Variants in DRG1 observed in about 807,000 individuals in gnomAD.
DRG1 encodes developmentally-regulated GTP-binding protein 1.
Under a neutral mutation model 38.8 loss-of-function variants are expected in DRG1, and 19 were observed. That is an observed-to-expected ratio of 0.49 (90% CI 0.34 to 0.72). DRG1 has a LOEUF of 0.72. Among genes scored for constraint, DRG1 ranks in the 30% least tolerant of loss-of-function variants. The pLI is 0.01. For synonymous variants in DRG1, 167 were observed against 157.5 expected (o/e 1.06, Z -0.45); for missense variants, 299 against 444.8 (o/e 0.67, Z 2.95).
At chr22:31,421,891 C>T (rs13053841) in intron 5 of DRG1, among the ~76,000 whole-genome samples, 8,717 of 151,884 alleles carry the variant, frequency 0.057, 635 homozygotes, top group East Asian at 0.39. Flanking sequence ...CCGAGGTGGG[C>T]GGATCACAAG....
intron 3 of DRG1, among the ~76,000 whole-genome samples, chr22:31,410,356 G>C (rs925781315): frequency 2.6e-5 from 4 of 151,956 alleles, no homozygotes; most frequent in Non-Finnish European, 5.9e-5. Flanking sequence ...TCGGGAATTT[G>C]AGGCAGAAGA....
chr22:31,428,234 C>T (rs576817549), intron 8 of DRG1, among the ~76,000 whole-genome samples: 20 of 149,858 alleles, frequency 1.3e-4, no homozygotes, highest in African/African-American at 2.5e-4. Flanking sequence ...TTTTTTGAGA[C>T]GGAGTCTCGC....
chr22:31,406,843 T>G (rs946565172), intron 3 of DRG1, among the ~76,000 whole-genome samples: 2 of 152,166 alleles, frequency 1.3e-5, no homozygotes, highest in African/African-American at 4.8e-5. Context: ...TTTTTACCTG[T>G]TTTTTCCACC....
At chr22:31,431,883 C>CT (rs1679516086) in intron 8 of DRG1, among the ~76,000 whole-genome samples, 1 of 152,036 alleles carries the variant, frequency 6.6e-6, no homozygotes, top group African/African-American at 2.4e-5. Context: ...CTTTTTCAAA[C>CT]TTTGTAGATT....
intron 2 of DRG1, among the ~76,000 whole-genome samples, chr22:31,402,293 GA>G (rs899361184): frequency 3.1e-4 from 47 of 150,652 alleles, no homozygotes; most frequent in African/African-American, 1.0e-3. Flanking sequence ...ATTGTAAAAA[GA>G]AAAAAGAAAA....
At chr22:31,401,351 G>A (rs1248465875) in intron 2 of DRG1, among the ~76,000 whole-genome samples, 2 of 151,730 alleles carry the variant, frequency 1.3e-5, no homozygotes, top group Admixed American at 1.3e-4. Flanking sequence ...GGGAGGCCAA[G>A]GCGTGGATCA....
intron 6 of DRG1, among the ~76,000 whole-genome samples, chr22:31,424,568 G>A (rs1464946547): frequency 7.5e-6 from 1 of 133,936 alleles, no homozygotes; most frequent in East Asian, 2.5e-4. Flanking sequence ...GCGCGATCTT[G>A]GCTCACTGCA....
chr22:31,412,432 G>C (rs1467948330), intron 4 of DRG1, among the ~76,000 whole-genome samples: 1 of 143,464 alleles, frequency 7.0e-6, no homozygotes, highest in Non-Finnish European at 1.5e-5. Flanking sequence ...CACACTGCAA[G>C]CTCCGCCTCC....
In DRG1 at chr22:31,415,901, A is replaced by G. The variant is rs140582790; in HGVS notation, c.413-4355A>G. Among the ~76,000 whole-genome samples, 129 of 151,806 alleles carry G rather than the reference A, an allele frequency of 8.5e-4. 1 individual carries two copies. Among genetic ancestry groups the G allele is most frequent in the Non-Finnish European group, 1.3e-4 (9 of 67,976 alleles). ...GATTCGTAGTGACTGCAAACTCTTC[A>G]CCTATATTGTCACTTCCTTCATTAT... On this transcript the variant is annotated intron_variant, in intron 4 of 8. Coordinates refer to ENST00000331457, the MANE Select transcript of DRG1 (RefSeq NM_004147.4).
chr22:31,420,226 T>A (rs375337814), intron 4 of DRG1, 30 bp from the exon 5 acceptor site: 3 of 1,605,842 alleles, frequency 1.9e-6, no homozygotes, highest in Non-Finnish European at 2.6e-6. Context: ...TATTGAACTT[T>A]CTTGCGTATG....
chr22:31,421,138 G>A (rs1289166911), intron 5 of DRG1, among the ~76,000 whole-genome samples: 4 of 151,718 alleles, frequency 2.6e-5, no homozygotes, highest in African/African-American at 7.3e-5. Context: ...CAGGCTGGTC[G>A]GTTTCATTCT....
At chr22:31,420,492 A>G in intron 5 of DRG1, 67 bp downstream of exon 5, 1 of 1,585,792 alleles carries the variant, frequency 6.3e-7, no homozygotes, top group African/African-American at 1.3e-5. Flanking sequence ...ATTGGGGTGC[A>G]TGGACCCTGA....
chr22:31,413,669 C>A (rs1380471825), intron 4 of DRG1, among the ~76,000 whole-genome samples: 1 of 125,386 alleles, frequency 8.0e-6, no homozygotes, highest in Admixed American at 1.0e-4. Context: ...GGCTGGAGTG[C>A]AATGGTGCGA....
At chr22:31,430,956 G>A (rs902023359) in intron 8 of DRG1, among the ~76,000 whole-genome samples, 3 of 147,398 alleles carry the variant, frequency 2.0e-5, no homozygotes, top group East Asian at 2.0e-4. Flanking sequence ...GGGTTCAAGC[G>A]ATTCTCCTGC....
chr22:31,408,134 C>CT lies in DRG1; in HGVS notation c.343-2856dup, dbSNP rs1206312150. On this transcript the variant is annotated intron_variant, in intron 3 of 8. Coordinates refer to ENST00000331457, the MANE Select transcript of DRG1 (RefSeq NM_004147.4). ...GAGCGAGACTCCCCTTTTTTTCCTTCTTTTTTTTTTTTTTTTTTTTTTGAG... is the reference window on the plus strand; with the variant it reads ...GAGCGAGACTCCCCTTTTTTTCCTTCTTTTTTTTTTTTTTTTTTTTTTTGAG... Among the ~76,000 whole-genome samples the CT allele has an allele frequency of 1.1e-3, 43 of 38,296 alleles. 1 individual carries two copies. The highest frequency in any genetic ancestry group is 3.1e-3 in the African/African-American group (30 of 9,536). The allele number at this position is 38,296 out of a possible 152,430, so 25.1% of individuals were successfully genotyped here. A position where few individuals can be genotyped will look rare whatever the true frequency, so the allele number is the denominator to read the frequency against.
At chr22:31,400,870 T>C in intron 2 of DRG1, 127 bp downstream of exon 2, 6 of 1,140,982 alleles carry the variant, frequency 5.3e-6, no homozygotes, top group Non-Finnish European at 7.2e-6. Context: ...CCTAGCATGC[T>C]GGGAGGCTGA....
chr22:31,408,136 T>G (rs1367057107), intron 3 of DRG1, among the ~76,000 whole-genome samples: 1 of 1,158 alleles, frequency 8.6e-4, no homozygotes, highest in Non-Finnish European at 7.8e-3. Context: ...TTTTCCTTCT[T>G]TTTTTTTTTT....
chr22:31,402,631 C>G (rs760937627), intron 2 of DRG1, among the ~76,000 whole-genome samples: 3 of 151,154 alleles, frequency 2.0e-5, no homozygotes, highest in Non-Finnish European at 4.4e-5. Flanking sequence ...ACCTCAGCCT[C>G]TGAAGTAGCT....
intron 5 of DRG1, 117 bp downstream of exon 5, chr22:31,420,542 A>G (rs528377038): frequency 8.1e-7 from 1 of 1,239,578 alleles, no homozygotes; most frequent in East Asian, 2.5e-5. Flanking sequence ...ACTAATTGAG[A>G]TAACACAATG....
Sources: gnomAD v4.1 joint callset for allele counts (sites outside exome capture counted in the v4.1 genomes callset) on GRCh38, gnomAD v4.1.1 for gene constraint, MANE v1.5 for transcripts, NCBI Gene and HGNC (gene_info 2026-07-23, HGNC 2026-07-21) for gene names.